Variants in ERC1 observed in about 807,000 individuals in gnomAD.
The protein encoded by ERC1 is RAB6 interacting protein 2.
Under a neutral mutation model 132.0 loss-of-function variants are expected in ERC1, and 56 were observed. The observed-to-expected ratio is 0.42, with a 90% CI of 0.34 to 0.53. The LOEUF is 0.53. Ranked by LOEUF, ERC1 falls within the 20% of genes least tolerant of loss-of-function variation. ERC1 has a pLI of 0.03. For missense variants in ERC1, 1,202 were observed against 1,349.9 expected (o/e 0.89, Z 1.72); for synonymous variants, 478 against 476.1 (o/e 1.00, Z -0.05).
At chr12:1,393,976 A>C (rs2090222182) in intron 16 of ERC1, among the ~76,000 whole-genome samples, 1 of 134,264 alleles carries the variant, frequency 7.4e-6, no homozygotes, top group South Asian at 2.4e-4. Flanking sequence ...AGATTTCGCC[A>C]CTGCACTCCA....
At chr12:1,050,879 C>T (rs1971832367) in intron 2 of ERC1, among the ~76,000 whole-genome samples, 1 of 152,056 alleles carries the variant, frequency 6.6e-6, no homozygotes, top group South Asian at 2.1e-4. Flanking sequence ...GTGGCGCGTT[C>T]CTGTAGTCCC....
chr12:1,315,586 G>A (rs536645326), intron 15 of ERC1, among the ~76,000 whole-genome samples: 1 of 152,220 alleles, frequency 6.6e-6, no homozygotes, highest in Admixed American at 6.5e-5. Flanking sequence ...CCTGACCTCA[G>A]GGGATCCGCA....
chr12:1,036,818 G>GT (rs1325938867), intron 2 of ERC1, among the ~76,000 whole-genome samples: 1 of 152,170 alleles, frequency 6.6e-6, no homozygotes, highest in African/African-American at 2.4e-5. Flanking sequence ...AGATAAATTG[G>GT]TATCCTTGTT....
chr12:1,434,452 G>A (rs1350848125), intron 17 of ERC1, among the ~76,000 whole-genome samples: 1 of 152,166 alleles, frequency 6.6e-6, no homozygotes, highest in Non-Finnish European at 1.5e-5. Flanking sequence ...CAGTCTAGAT[G>A]TGTACACCAT....
chr12:1,271,811 A>C (rs1463990113), intron 14 of ERC1, among the ~76,000 whole-genome samples: 3 of 152,218 alleles, frequency 2.0e-5, no homozygotes, highest in African/African-American at 7.2e-5. Context: ...CCAGAAACTA[A>C]GTTCAATCTT....
chr12:1,083,634 G>T, intron 3 of ERC1, 54 bp downstream of exon 3: 5 of 1,376,028 alleles, frequency 3.6e-6, no homozygotes, highest in Non-Finnish European at 9.9e-7. Flanking sequence ...TTTTTTCACT[G>T]ATTAATCAGC....
At chr12:994,735 C>T (rs1960431680) in intron 1 of ERC1, among the ~76,000 whole-genome samples, 1 of 152,142 alleles carries the variant, frequency 6.6e-6, no homozygotes, top group South Asian at 2.1e-4. Context: ...GAACAGTTCT[C>T]CCAGCACTTT....
At chr12:1,291,792 T>C (rs1270462871) in intron 15 of ERC1, among the ~76,000 whole-genome samples, 2 of 152,200 alleles carry the variant, frequency 1.3e-5, no homozygotes, top group Admixed American at 6.5e-5. Context: ...GACCGTAAGT[T>C]TGGGGAGACG....
chr12:1,398,745 C>A (rs2090754426), intron 16 of ERC1, among the ~76,000 whole-genome samples: 2 of 152,206 alleles, frequency 1.3e-5, no homozygotes, highest in Admixed American at 1.3e-4. Flanking sequence ...GATCAAGGCA[C>A]CAGCAGGTTT....
intron 17 of ERC1, among the ~76,000 whole-genome samples, chr12:1,412,540 T>A (rs922163639): frequency 6.6e-5 from 10 of 152,200 alleles, no homozygotes; most frequent in Non-Finnish European, 1.3e-4. Context: ...TTGGACAAGG[T>A]ACGTCATTGC....
intron 14 of ERC1, among the ~76,000 whole-genome samples, chr12:1,287,696 G>A (rs954369091): frequency 6.6e-6 from 1 of 152,184 alleles, no homozygotes; most frequent in African/African-American, 2.4e-5. Context: ...CCTTCAGACT[G>A]GAGCTATACC....
At chr12:1,377,398 T>C (rs961739708) in intron 16 of ERC1, among the ~76,000 whole-genome samples, 2 of 152,284 alleles carry the variant, frequency 1.3e-5, no homozygotes, top group African/African-American at 4.8e-5. Context: ...TAGCACACAT[T>C]CACTCATCTG....
At position 1,067,121 on chromosome 12, in the gene ERC1, T is replaced by G. The variant is rs568524676; in HGVS notation, c.670-16043T>G. 2.6e-5 allele frequency among the ~76,000 whole-genome samples: 4 copies of G among 152,310 alleles called. No homozygotes were observed. The South Asian group carries it at 8.3e-4, about 32-fold the overall frequency. ...CTGTGCCCGGCCAAAACATAAGTTTTATGATATAATACTTGCTCTATGGAC... is the reference window on the plus strand; with the variant it reads ...CTGTGCCCGGCCAAAACATAAGTTTGATGATATAATACTTGCTCTATGGAC... On this transcript the variant is annotated intron_variant, in intron 2 of 18. Coordinates refer to ENST00000360905, the MANE Select transcript of ERC1 (RefSeq NM_178040.4).
chr12:1,143,590 T>C (rs1402591056), intron 8 of ERC1, among the ~76,000 whole-genome samples: 1 of 151,918 alleles, frequency 6.6e-6, no homozygotes, highest in Non-Finnish European at 1.5e-5. Flanking sequence ...CCTAGCTTTT[T>C]TTTTTTTCTT....
At chr12:1,136,684 T>A (rs948033561) in intron 7 of ERC1, among the ~76,000 whole-genome samples, 1 of 152,224 alleles carries the variant, frequency 6.6e-6, no homozygotes, top group Non-Finnish European at 1.5e-5. Context: ...TGATCTACTA[T>A]CTTTTCAGGC....
At chr12:1,221,921 CTA>C (rs1959025098) in intron 12 of ERC1, among the ~76,000 whole-genome samples, 1 of 152,176 alleles carries the variant, frequency 6.6e-6, no homozygotes, top group Non-Finnish European at 1.5e-5. Flanking sequence ...AGAAACATCA[CTA>C]TGTGGTATCA....
At chr12:1,250,914 A>G (rs1288025244) in intron 13 of ERC1, among the ~76,000 whole-genome samples, 1 of 152,214 alleles carries the variant, frequency 6.6e-6, no homozygotes, top group Non-Finnish European at 1.5e-5. Context: ...TGGTGCTGTG[A>G]GACAGCTCTC....
chr12:1,079,328 A>G (rs1252404685), intron 2 of ERC1, among the ~76,000 whole-genome samples: 5 of 147,992 alleles, frequency 3.4e-5, no homozygotes, highest in Admixed American at 6.7e-5. Context: ...TTGTAATATG[A>G]CAAAAGTCGA....
chr12:1,093,940 TA>T (rs1339551324), intron 3 of ERC1, among the ~76,000 whole-genome samples: 9 of 116,330 alleles, frequency 7.7e-5, no homozygotes, highest in African/African-American at 2.7e-4. Flanking sequence ...TTTTTCTATA[TA>T]AATATATATA....
Sources: gnomAD v4.1 joint callset for allele counts (sites outside exome capture counted in the v4.1 genomes callset) on GRCh38, gnomAD v4.1.1 for gene constraint, MANE v1.5 for transcripts, NCBI Gene and HGNC (gene_info 2026-07-23, HGNC 2026-07-21) for gene names.